The following CNTN5 variants were observed in gnomAD, a reference collection of about 807,000 sequenced individuals.
The protein encoded by CNTN5 is contactin 5.
A neutral mutation model predicts 129.1 loss-of-function variants in CNTN5; 77 were observed. The ratio of observed to expected loss-of-function variants is 0.60; its 90% CI spans 0.50 to 0.72. The LOEUF is 0.72. Among genes scored for constraint, CNTN5 ranks in the 30% least tolerant of loss-of-function variants. CNTN5 has a pLI of 0.00. For synonymous variants in CNTN5, 509 were observed against 465.6 expected (o/e 1.09, Z -1.20); for missense variants, 1,478 against 1,328.8 (o/e 1.11, Z -1.75).
rs184697445 is a variant in CNTN5 at position 99,272,183 on chromosome 11, G to A, written c.-209-53163G>A. 1.6e-3 allele frequency among the ~76,000 whole-genome samples: 245 copies of A among 151,908 alleles called. 1 individual carries two copies. The highest frequency in any genetic ancestry group is 3.4e-3 in the Middle Eastern group (1 of 294). On this transcript the variant is annotated intron_variant, in intron 1 of 24. Coordinates refer to ENST00000524871, the MANE Select transcript of CNTN5 (RefSeq NM_014361.4). ...CAATGTCACAAAACTAACTGGCTGC[G>A]TCACATTTTGTGCTCAAGCAGGTTG... is the stretch of plus-strand genomic sequence containing the variant.
At chr11:99,860,950 A>ATTTTTTT (rs146364893) in intron 6 of CNTN5, among the ~76,000 whole-genome samples, 21 of 91,024 alleles carry the variant, frequency 2.3e-4, no homozygotes, top group East Asian at 6.9e-4. Context: ...ATATGTCTTC[A>ATTTTTTT]TTTTTTTTTT....
intron 13 of CNTN5, among the ~76,000 whole-genome samples, chr11:100,089,464 G>A (rs1944672352): frequency 6.6e-6 from 1 of 152,168 alleles, no homozygotes; most frequent in Non-Finnish European, 1.5e-5. Context: ...TGGTGAGAAT[G>A]TAAATTAGTT....
chr11:99,935,044 C>A (rs1950284425), intron 7 of CNTN5, among the ~76,000 whole-genome samples: 2 of 149,606 alleles, frequency 1.3e-5, no homozygotes, highest in South Asian at 4.2e-4. Flanking sequence ...AAATACATCT[C>A]CAGCATATAT....
chr11:100,057,369 C>A (rs1943279362), intron 9 of CNTN5, among the ~76,000 whole-genome samples: 1 of 150,936 alleles, frequency 6.6e-6, no homozygotes, highest in Non-Finnish European at 1.5e-5. Flanking sequence ...ATAAAATAGA[C>A]AAACTTCTGT....
In CNTN5 at chr11:99,897,071, G is replaced by A. The variant is rs116645141; in HGVS notation, c.578-18983G>A. ...CAAGTGGAAGAAAGAACTTCAATGC[G>A]TAAAAACTGTTCTTTTGAACTAGCC... On this transcript the variant is annotated intron_variant, in intron 6 of 24. Coordinates refer to ENST00000524871, the MANE Select transcript of CNTN5 (RefSeq NM_014361.4). 3.8e-3 allele frequency among the ~76,000 whole-genome samples: 573 copies of A among 152,100 alleles called. 6 individuals carry two copies. Among genetic ancestry groups the A allele is most frequent in the African/African-American group, 0.013 (527 of 41,488 alleles).
intron 6 of CNTN5, among the ~76,000 whole-genome samples, chr11:99,914,072 C>A (rs370530278): frequency 6.6e-6 from 1 of 151,958 alleles, no homozygotes; most frequent in Non-Finnish European, 1.5e-5. Flanking sequence ...TCTGTCTCTA[C>A]GAAGAATTTG....
intron 13 of CNTN5, among the ~76,000 whole-genome samples, chr11:100,124,778 C>A (rs1193611782): frequency 6.6e-6 from 1 of 151,856 alleles, no homozygotes; most frequent in Non-Finnish European, 1.5e-5. Context: ...TTTATAAGGA[C>A]CTAGACAAGA....
chr11:99,409,546 A>G (rs1175624919), intron 2 of CNTN5, among the ~76,000 whole-genome samples: 3 of 152,242 alleles, frequency 2.0e-5, no homozygotes, highest in Admixed American at 6.5e-5. Context: ...TGAGAGGTTA[A>G]AGATCATCTG....
intron 3 of CNTN5, among the ~76,000 whole-genome samples, chr11:99,606,524 A>C (rs1950421762): frequency 7.0e-6 from 1 of 143,600 alleles, no homozygotes; most frequent in African/African-American, 2.6e-5. Flanking sequence ...CATACTGCCC[A>C]AGGTAATTTA....
chr11:100,108,210 G>T (rs1945521103), intron 13 of CNTN5, among the ~76,000 whole-genome samples: 1 of 152,020 alleles, frequency 6.6e-6, no homozygotes, highest in African/African-American at 2.4e-5. Context: ...TTCCAGCATT[G>T]TGTGACAAAT....
chr11:100,176,780 T>C (rs920705411), intron 13 of CNTN5, among the ~76,000 whole-genome samples: 4 of 152,116 alleles, frequency 2.6e-5, no homozygotes, highest in Admixed American at 2.6e-4. Context: ...TTGCTTTTAA[T>C]TCTAATTCTA....
chr11:99,267,531 A>C (rs1862961143), intron 1 of CNTN5, among the ~76,000 whole-genome samples: 1 of 151,994 alleles, frequency 6.6e-6, no homozygotes, highest in Admixed American at 6.6e-5. Context: ...CCCTTCGTTC[A>C]TGTGATAGTA....
intron 8 of CNTN5, among the ~76,000 whole-genome samples, chr11:99,988,835 T>TG (rs1380101939): frequency 8.3e-6 from 1 of 120,650 alleles, no homozygotes; most frequent in East Asian, 2.8e-4. Flanking sequence ...ACCTTCCAGA[T>TG]GGGGTGTGTG....
At chr11:99,732,288 CA>C (rs551072221) in intron 3 of CNTN5, among the ~76,000 whole-genome samples, 31 of 152,166 alleles carry the variant, frequency 2.0e-4, no homozygotes, top group African/African-American at 5.8e-4. Flanking sequence ...GGAATGATAT[CA>C]GGGGTGATGA....
chr11:99,456,058 A>C (rs1944486269), intron 2 of CNTN5, among the ~76,000 whole-genome samples: 1 of 152,146 alleles, frequency 6.6e-6, no homozygotes, highest in African/African-American at 2.4e-5. Context: ...ATAGTTTCTA[A>C]AGACAATTTT....
chr11:99,531,773 T>C (rs12276148), intron 2 of CNTN5, among the ~76,000 whole-genome samples: 19,267 of 152,088 alleles, frequency 0.13, 1,399 homozygotes, highest in African/African-American at 0.19. Flanking sequence ...AGCGTTCGAG[T>C]GCACAGAACT....
intron 3 of CNTN5, among the ~76,000 whole-genome samples, chr11:99,624,488 C>T (rs564525959): frequency 4.6e-5 from 7 of 152,100 alleles, no homozygotes; most frequent in Non-Finnish European, 8.8e-5. Flanking sequence ...AAGTGTTAAT[C>T]CTCCTTATCA....
intron 18 of CNTN5, among the ~76,000 whole-genome samples, chr11:100,295,415 GA>G (rs1280362455): frequency 1.3e-5 from 2 of 150,664 alleles, no homozygotes; most frequent in Admixed American, 6.6e-5. Flanking sequence ...TCTCAAAATG[GA>G]AATTTTCCCC....
intron 1 of CNTN5, among the ~76,000 whole-genome samples, chr11:99,095,390 G>C (rs1866429646): frequency 6.6e-6 from 1 of 151,870 alleles, no homozygotes; most frequent in Non-Finnish European, 1.5e-5. Flanking sequence ...AAAATGGTGA[G>C]AGTGATAGAT....
Sources: gnomAD v4.1 joint callset for allele counts (sites outside exome capture counted in the v4.1 genomes callset) on GRCh38, gnomAD v4.1.1 for gene constraint, MANE v1.5 for transcripts, NCBI Gene and HGNC (gene_info 2026-07-23, HGNC 2026-07-21) for gene names.